RTEL1: variants seen among roughly 807,000 people sequenced by gnomAD.
The protein encoded by RTEL1 is regulator of telomere elongation helicase 1.
RTEL1 carries 86 observed loss-of-function variants against 162.2 expected under a neutral mutation model. The ratio of observed to expected loss-of-function variants is 0.53; its 90% confidence interval spans 0.45 to 0.63. The LOEUF is 0.63. RTEL1 is among the 30% of genes least tolerant of loss of function. RTEL1 has a pLI of 0.00. For synonymous variants in RTEL1, 958 were observed against 717.9 expected, an observed-to-expected ratio of 1.33 and a Z score of -5.35; for missense variants, 1,941 against 1,750.2, an observed-to-expected ratio of 1.11 and a Z score of -1.95.
At position 63,659,422 on chromosome 20, in the gene RTEL1, A is replaced by G. The variant is rs763778752; in HGVS notation, c.20A>G (p.Asn7Ser). The G allele has an allele frequency of 3.7e-6, 6 of 1,614,070 alleles. No homozygotes were observed. The highest frequency in any genetic ancestry group is 5.1e-6 in the Non-Finnish European group (6 of 1,179,912). MPKIVL[N>S]GVTVDFPFQP... Reference sequence around the variant, plus strand: ...GCTGATATGCCCAAGATAGTCCTGAATGGTGTGACCGTAGACTTCCCTTTC... The same window carrying G: ...GCTGATATGCCCAAGATAGTCCTGAGTGGTGTGACCGTAGACTTCCCTTTC... The change falls in exon 2 of 35, where the codon AAT (asparagine) becomes AGT (serine). Residue 7 changes from asparagine to serine, a missense_variant. By Grantham distance (46) the Asn-to-Ser change is conservative (BLOSUM62 1). Coordinates refer to ENST00000360203, the MANE Select transcript of RTEL1 (RefSeq NM_001283009.2).
At position 63,695,532 on chromosome 20, in the gene RTEL1, G is replaced by C. The variant is rs942254441; in HGVS notation, c.3704G>C (p.Gly1235Ala). Residue 1235 changes from glycine (G) to alanine (A), a missense_variant, in exon 34 of 35, where the codon GGC becomes GCC. Gly to Ala is a moderately conservative substitution (Grantham distance 60). Coordinates refer to ENST00000360203, the MANE Select transcript of RTEL1 (RefSeq NM_001283009.2). The stretch of plus-strand genomic sequence containing the variant: ...GGGCAGCAGGCCACGGGAGCTCCGG[G>C]CGGGCCCCTCTCAGCAGGCTGTGTG... ...IAGQQATGAPGGPLSAGCVCQ... is the reference protein window; with the variant it reads ...IAGQQATGAPAGPLSAGCVCQ... 1 of 1,612,350 alleles carries C rather than the reference G, an allele frequency of 6.2e-7. No individual in the cohort carries two copies. Among genetic ancestry groups the C allele is most frequent in the African/African-American group, 1.3e-5 (1 of 75,052 alleles).
intron 6 of RTEL1, among the ~76,000 whole-genome samples, chr20:63,664,453 G>A (rs1305693682): frequency 1.3e-5 from 2 of 152,092 alleles, no homozygotes; most frequent in Admixed American, 6.5e-5. Context: ...TGGGGATGCT[G>A]GGCCTGGGAC....
intron 7 of RTEL1, 63 bp from the exon 8 acceptor site, chr20:63,667,406 C>T (rs1021633404): frequency 2.5e-5 from 33 of 1,311,464 alleles, no homozygotes; most frequent in African/African-American, 2.0e-4. Context: ...GAAGACATGG[C>T]GGCCTCGGGG....
At chr20:63,673,838 C>A in intron 9 of RTEL1, 102 bp from the exon 10 acceptor site, 2 of 1,359,414 alleles carry the variant, frequency 1.5e-6, no homozygotes, top group Non-Finnish European at 2.0e-6. Flanking sequence ...GGGAACTTGG[C>A]TGTCAGCCTC....
rs1601120090 is a variant in RTEL1 at position 63,674,091 on chromosome 20, C to T, written c.917C>T (p.Pro306Leu). 2 of 1,608,750 alleles carry T rather than the reference C, an allele frequency of 1.2e-6. No individual in the cohort carries two copies. The highest frequency in any genetic ancestry group is 4.5e-5 in the East Asian group (2 of 44,818). ...GAGTTCAGCGCGGACTCCCCCAGCC[C>T]AGGTGCGTTCATAGCCAGACTGCTT... ...HPEFSADSPS[P>L]GLNMELEDIA... The change falls in exon 10 of 35, where the codon CCA (proline) becomes CTA (leucine). Residue 306 changes from proline (P) to leucine (L), a missense_variant and splice_region_variant. By Grantham distance (98) the Pro-to-Leu change is moderately conservative (BLOSUM62 -3). Transcript: ENST00000360203.
Position 63,680,655 on chromosome 20 carries a change from G to C in RTEL1, c.1136-9G>C. 1 of 1,612,950 alleles carries C rather than the reference G, an allele frequency of 6.2e-7. No individual in the cohort carries two copies. The highest frequency in any genetic ancestry group is 1.7e-4 in the Middle Eastern group (1 of 6,012). ...GCAGTGTGGGTGTCAGCGCCCTGCT[G>C]CCCTCCAGGTGCTGGAGTGTTCACC... On this transcript the variant is annotated splice_polypyrimidine_tract_variant and intron_variant, in intron 13 of 34. Coordinates refer to ENST00000360203, the MANE Select transcript of RTEL1 (RefSeq NM_001283009.2).
rs75712555 is a variant in RTEL1, at chr20:63,663,944, C to T, written c.538+1055C>T. Among the ~76,000 whole-genome samples the T allele has an allele frequency of 2.5e-3, 387 of 152,292 alleles. 4 individuals are homozygous for T. The highest frequency in any genetic ancestry group is 8.9e-3 in the African/African-American group (372 of 41,568). Reference sequence around the variant, plus strand: ...TTCTGGGCCCTGGCCCTTGGAGGGACAGGGTGGGCGGAACATGGGCCTGCA... The same window carrying T: ...TTCTGGGCCCTGGCCCTTGGAGGGATAGGGTGGGCGGAACATGGGCCTGCA... On this transcript the variant is annotated intron_variant, in intron 6 of 34. Transcript: ENST00000360203.
chr20:63,673,585 C>T (rs927256382), intron 9 of RTEL1, among the ~76,000 whole-genome samples: 4 of 151,970 alleles, frequency 2.6e-5, no homozygotes, highest in African/African-American at 7.2e-5. Context: ...ACTACAGGTG[C>T]ACACCACCAC....
rs551332247 is a variant in RTEL1, at chr20:63,693,310, C to A, written c.2992+27C>A. 2.5e-5 allele frequency: 40 copies of A among 1,610,242 alleles called. No individual in the cohort carries two copies. In the African/African-American group the frequency reaches 2.9e-4, roughly 12 times the overall value. ...TAAATGGGGCCCCAGGTGGGACCCT[C>A]AGACTCCTGCGTGGAAGGCAGTGTG... On this transcript the variant is annotated intron_variant, in intron 30 of 34. Coordinates refer to ENST00000360203, the MANE Select transcript of RTEL1 (RefSeq NM_001283009.2).
rs1053589656 is a variant in RTEL1, at chr20:63,693,367, T to G, written c.2992+84T>G. 10 of 1,542,318 alleles carry G rather than the reference T, an allele frequency of 6.5e-6. No individual in the cohort carries two copies. In the Admixed American group the frequency reaches 1.0e-4, roughly 16 times the overall value. On this transcript the variant is annotated intron_variant, in intron 30 of 34. Coordinates refer to ENST00000360203, the MANE Select transcript of RTEL1 (RefSeq NM_001283009.2). The stretch of plus-strand genomic sequence containing the variant: ...AGTCCTGGGCTGCTTGGGGTGGGCA[T>G]CCTCGGGCCCTGCTTGGCCCCGCCT...
intron 14 of RTEL1, chr20:63,682,184 G>GGTTC (rs2090489321): frequency 1.0e-6 from 1 of 985,276 alleles, no homozygotes; most frequent in Non-Finnish European, 1.2e-6. Flanking sequence ...TGGCTTCTGA[G>GGTTC]GTTCCTACAC....
intron 9 of RTEL1, among the ~76,000 whole-genome samples, chr20:63,672,829 G>C (rs1470836127): frequency 6.6e-6 from 1 of 152,236 alleles, no homozygotes. Flanking sequence ...AGCTGGGCCA[G>C]GGACCTGCCC....
At chr20:63,677,475 C>T (rs1395362514) in intron 10 of RTEL1, among the ~76,000 whole-genome samples, 37 of 152,218 alleles carry the variant, frequency 2.4e-4, no homozygotes, top group African/African-American at 8.9e-4. Context: ...ATTAGCCGGG[C>T]ATGGTGGCGC....
At chr20:63,679,724 C>T (rs1259479432) in intron 12 of RTEL1, 125 bp from the exon 13 acceptor site, 22 of 749,916 alleles carry the variant, frequency 2.9e-5, no homozygotes, top group East Asian at 2.3e-4. Context: ...GTTTTCTTCT[C>T]GGCAGCTACA....
rs2066418891 is a variant in RTEL1, at chr20:63,661,619, T to C, written c.301+123T>C. The C allele has an allele frequency of 9.2e-7, 1 of 1,084,890 alleles. No individual in the cohort carries two copies. Among genetic ancestry groups the C allele is most frequent in the Non-Finnish European group, 1.3e-6 (1 of 764,474 alleles). The allele number at this position is 1,084,890 out of a possible 1,614,324, so 67.2% of individuals were successfully genotyped here. A position where few individuals can be genotyped will look rare whatever the true frequency, so the allele number is the denominator to read the frequency against. On this transcript the variant is annotated intron_variant, in intron 3 of 34. Coordinates refer to ENST00000360203, the MANE Select transcript of RTEL1 (RefSeq NM_001283009.2). The surrounding 1 kb of genome is among the most constrained non-coding windows in gnomAD (Gnocchi z 5.1). ...TCTCAAGCAGAACTCAAGGAGAATT[T>C]TTTAGCTGCTGTATAATTTCTCGCC...
At position 63,661,943 on chromosome 20, in the gene RTEL1, G is replaced by A. The variant is rs762587175; in HGVS notation, c.395G>A (p.Arg132Gln). 2.5e-6 allele frequency: 4 copies of A among 1,613,272 alleles called. No individual in the cohort carries two copies. The highest frequency in any genetic ancestry group is 2.2e-5 in the East Asian group (1 of 44,864). ...AACGAGCTTCGGAACACCTCCTACC[G>A]GTGGGTCAGACGAGTTTACACCTGT... Reference protein sequence around the residue: ...VINELRNTSYRPKVCVLGSRE... With the variant: ...VINELRNTSYQPKVCVLGSRE... The change falls in exon 4 of 35, where the codon CGG (arginine) becomes CAG (glutamine). Residue 132 changes from arginine (R) to glutamine (Q), a missense_variant and splice_region_variant. Transcript: ENST00000360203. This position sits in a 1 kb window ranked among gnomAD's most constrained non-coding sequence, Gnocchi z 5.1.
chr20:63,664,171 G>A (rs1026652535), intron 6 of RTEL1, among the ~76,000 whole-genome samples: 3 of 152,268 alleles, frequency 2.0e-5, no homozygotes, highest in African/African-American at 7.2e-5. Flanking sequence ...CTGCCGGCTC[G>A]TCCCGGTGAT....
intron 10 of RTEL1, 25 bp from the exon 11 acceptor site, chr20:63,678,120 C>G (rs2090393168): frequency 6.2e-7 from 1 of 1,614,130 alleles, no homozygotes; most frequent in African/African-American, 1.3e-5. Context: ...ATGCAGACTG[C>G]CTTTGCTGCC....
Position 63,660,148 on chromosome 20 carries a change from C to T in RTEL1, c.102+644C>T, listed in dbSNP as rs559714128. On this transcript the variant is annotated intron_variant, in intron 2 of 34. Coordinates refer to ENST00000360203, the MANE Select transcript of RTEL1 (RefSeq NM_001283009.2). ...TCTCAGAATTGAACAAATGTACAATCGGGTTTTATACCGAAACATTCAGTT... is the reference window on the plus strand; with the variant it reads ...TCTCAGAATTGAACAAATGTACAATTGGGTTTTATACCGAAACATTCAGTT... Among the ~76,000 whole-genome samples the T allele has an allele frequency of 1.4e-4, 21 of 152,328 alleles. No individual in the cohort carries two copies. The East Asian group carries it at 3.5e-3, about 25-fold the overall frequency.
Sources: gnomAD v4.1 joint callset for allele counts (sites outside exome capture counted in the v4.1 genomes callset) on GRCh38, gnomAD v4.1.1 for gene constraint, Gnocchi (gnomAD v3.1) non-coding constraint, MANE v1.5 for transcripts, NCBI Gene and HGNC (gene_info 2026-07-23, HGNC 2026-07-21) for gene names.